Variants in TUBGCP2 observed in about 807,000 individuals in gnomAD.
TUBGCP2 encodes the protein tubulin gamma complex component 2.
Under a neutral mutation model 92.2 loss-of-function variants are expected in TUBGCP2, and 55 were observed. That is an observed-to-expected ratio of 0.60 (90% CI 0.48 to 0.75). The LOEUF is 0.75. Among genes scored for constraint, TUBGCP2 ranks in the 30% least tolerant of loss-of-function variants. TUBGCP2 has a pLI of 0.00. For synonymous variants in TUBGCP2, 533 were observed against 505.2 expected (o/e 1.06, Z -0.74); for missense variants, 1,093 against 1,188.9 (o/e 0.92, Z 1.19).
intron 1 of TUBGCP2, among the ~76,000 whole-genome samples, chr10:133,305,888 T>C (rs544916439): frequency 2.2e-4 from 34 of 152,314 alleles, no homozygotes; most frequent in African/African-American, 7.2e-4. Flanking sequence ...CCCCATGCAG[T>C]CTGGACACTG....
chr10:133,310,014 C>A (rs1847952661), upstream of TUBGCP2: 15 of 1,611,118 alleles, frequency 9.3e-6, no homozygotes, highest in East Asian at 3.1e-4. Context: ...GGCCACCCCC[C>A]ATTGGTGATG....
chr10:133,287,436 A>T (rs1345658807), intron 11 of TUBGCP2, among the ~76,000 whole-genome samples: 1 of 152,062 alleles, frequency 6.6e-6, no homozygotes, highest in Non-Finnish European at 1.5e-5. Context: ...AAAACAGATA[A>T]AACATATATA....
chr10:133,296,335 G>A (rs1389499020), intron 5 of TUBGCP2, among the ~76,000 whole-genome samples: 1 of 152,150 alleles, frequency 6.6e-6, no homozygotes. Context: ...GTCTGCCTGG[G>A]TACCATCAGG....
At chr10:133,307,838 G>T (rs1339549121) in intron 1 of TUBGCP2, among the ~76,000 whole-genome samples, 1 of 152,234 alleles carries the variant, frequency 6.6e-6, no homozygotes, top group Non-Finnish European at 1.5e-5. Flanking sequence ...GGCCTACAAT[G>T]CACCTAAACC....
chr10:133,280,891 G>A (rs1423897103), intron 17 of TUBGCP2, among the ~76,000 whole-genome samples: 1 of 151,812 alleles, frequency 6.6e-6, no homozygotes, highest in Non-Finnish European at 1.5e-5. Flanking sequence ...CCAGGGCGGT[G>A]CTGGGCAGGG....
intron 1 of TUBGCP2, among the ~76,000 whole-genome samples, chr10:133,307,248 G>A (rs1237753139): frequency 6.6e-6 from 1 of 152,146 alleles, no homozygotes; most frequent in Non-Finnish European, 1.5e-5. Context: ...ACTGTGACTG[G>A]GAGGGACTGA....
Position 133,285,365 on chromosome 10 carries a change from T to C in TUBGCP2, c.1895+91A>G. On this transcript the variant is annotated intron_variant, in intron 12 of 17. Coordinates refer to ENST00000252936, the MANE Select transcript of TUBGCP2 (RefSeq NM_006659.4). The surrounding 1 kb of genome is among the most constrained non-coding windows in gnomAD (Gnocchi z 6.8). The stretch of plus-strand genomic sequence containing the variant: ...CCGGGGAGAGCCGCCTTGGGTCCTC[T>C]GTGGGACGAGGTGGCCACCGCGTGG... 6.3e-7 allele frequency: 1 copy of C among 1,596,562 alleles called. No individual in the cohort carries two copies. The highest frequency in any genetic ancestry group is 2.3e-5 in the East Asian group (1 of 44,358).
chr10:133,298,190 C>A, intron 4 of TUBGCP2, 79 bp from the exon 5 acceptor site: 1 of 1,451,906 alleles, frequency 6.9e-7, no homozygotes, highest in African/African-American at 1.4e-5. Flanking sequence ...TGCATAGAAG[C>A]TAGCATCTAC....
chr10:133,296,566 C>T (rs1293406211), intron 5 of TUBGCP2, among the ~76,000 whole-genome samples: 3 of 152,104 alleles, frequency 2.0e-5, no homozygotes, highest in Admixed American at 1.3e-4. Context: ...CAGCCTCGAC[C>T]TCTCAGGCTC....
In TUBGCP2 at chr10:133,281,420, G is replaced by A. The variant is rs1208369234; in HGVS notation, c.2426C>T (p.Ala809Val). Residue 809 changes from alanine to valine, a missense_variant, in exon 17 of 18, where the codon GCA becomes GTA. This residue lies in a region of TUBGCP2 where 598 missense variants were observed against 675.5 expected (regional missense o/e 0.89). Coordinates refer to ENST00000252936, the MANE Select transcript of TUBGCP2 (RefSeq NM_006659.4). ...GCCGGACACCAGCTGCACAGTGTCT[G>A]CGTGCTCAGCCAGGTGCTGGAAAGA... Reference protein sequence around the residue: ...ELARKHLAEHADTVQLVSGFE... With the variant: ...ELARKHLAEHVDTVQLVSGFE... 9 of 1,612,950 alleles carry A rather than the reference G, an allele frequency of 5.6e-6. No individual in the cohort carries two copies. In the African/African-American group the frequency reaches 1.1e-4, roughly 19 times the overall value.
intron 16 of TUBGCP2, 82 bp downstream of exon 16, chr10:133,282,141 G>C: frequency 6.3e-7 from 1 of 1,593,808 alleles, no homozygotes; most frequent in Non-Finnish European, 8.5e-7. Flanking sequence ...GGGGAGGTTT[G>C]TTCTCCCTGC....
intron 1 of TUBGCP2, among the ~76,000 whole-genome samples, chr10:133,305,931 C>A (rs1322474857): frequency 1.3e-5 from 2 of 152,210 alleles, no homozygotes; most frequent in African/African-American, 4.8e-5. Context: ...GGACCCTGAA[C>A]AAGGACACGT....
At chr10:133,306,866 G>A (rs1325841323) in intron 1 of TUBGCP2, among the ~76,000 whole-genome samples, 3 of 152,286 alleles carry the variant, frequency 2.0e-5, no homozygotes, top group African/African-American at 4.8e-5. Flanking sequence ...ACAGATGCCC[G>A]CACGTCATGA....
intron 8 of TUBGCP2, among the ~76,000 whole-genome samples, chr10:133,291,374 C>T (rs371052664): frequency 0.36 from 403 of 1,112 alleles, 19 homozygotes; most frequent in Middle Eastern, 0.5. Flanking sequence ...CGTGTCCCTC[C>T]GTGTCCCCGT....
Position 133,285,719 on chromosome 10 carries a change from C to T in TUBGCP2, c.1723-91G>A, listed in dbSNP as rs1351442740. The T allele has an allele frequency of 3.8e-6, 5 of 1,301,490 alleles. No homozygotes were observed. The highest frequency in any genetic ancestry group is 3.7e-5 in the South Asian group (2 of 54,192). 80.6% of individuals were successfully genotyped at this position (1,301,490 alleles called of 1,614,324 possible). On this transcript the variant is annotated intron_variant, in intron 11 of 17. Transcript: ENST00000252936. The surrounding 1 kb of genome is among the most constrained non-coding windows in gnomAD (Gnocchi z 6.8). Reference sequence around the variant, plus strand: ...TCGCCATCCTCGCTCACAGACCCAGCGCTGACGTAAGGTTCCCTACATTCC... The same window carrying T: ...TCGCCATCCTCGCTCACAGACCCAGTGCTGACGTAAGGTTCCCTACATTCC...
At chr10:133,294,356 G>C (rs1046016202) in intron 5 of TUBGCP2, among the ~76,000 whole-genome samples, 1 of 152,198 alleles carries the variant, frequency 6.6e-6, no homozygotes, top group Admixed American at 6.5e-5. Context: ...AGCACCAGAC[G>C]AAAGCAGGAT....
At position 133,289,893 on chromosome 10, in the gene TUBGCP2, G is replaced by A. The variant is rs753141833; in HGVS notation, c.1291C>T (p.Arg431Trp). 3.1e-6 allele frequency: 5 copies of A among 1,603,864 alleles called. No homozygotes were observed. The highest frequency in any genetic ancestry group is 4.5e-5 in the East Asian group (2 of 44,596). ...EDYNDKYWDQ[R>W]YTIVQQQIPS... The stretch of plus-strand genomic sequence containing the variant: ...ATCTGCTGCTGGACGATGGTGTACC[G>A]CTGGTCCCAGTACTTGTCGTTGTAA... The change falls in exon 9 of 18, where the codon CGG (arginine) becomes TGG (tryptophan). Residue 431 changes from arginine (R) to tryptophan (W), a missense_variant. This residue lies in a region of TUBGCP2 where 598 missense variants were observed against 675.5 expected (regional missense o/e 0.89). Coordinates refer to ENST00000252936, the MANE Select transcript of TUBGCP2 (RefSeq NM_006659.4).
rs147096812 is a variant in TUBGCP2 at position 133,283,206 on chromosome 10, C to T, written c.2161G>A (p.Asp721Asn). 9.9e-6 allele frequency: 16 copies of T among 1,614,062 alleles called. No homozygotes were observed. In the African/African-American group the frequency reaches 1.7e-4, roughly 18 times the overall value. Residue 721 changes from aspartate to asparagine, a missense_variant, in exon 15 of 18, where the codon GAC (aspartate) becomes AAC (asparagine). By Grantham distance (23) the Asp-to-Asn change is conservative. Coordinates refer to ENST00000252936, the MANE Select transcript of TUBGCP2 (RefSeq NM_006659.4). The stretch of plus-strand genomic sequence containing the variant: ...AAGCCTGTGTGGTGGCCAAGGACGT[C>T]GTCAATGTTGGAGGCCTGCGGGGAA... The part of the protein sequence containing the change: ...KNLKSASNID[D>N]VLGHHTGFLD...
chr10:133,305,456 C>G (rs1847788443), intron 1 of TUBGCP2, among the ~76,000 whole-genome samples: 1 of 152,126 alleles, frequency 6.6e-6, no homozygotes, highest in South Asian at 2.1e-4. Context: ...GGGCCACTAC[C>G]GGTCTCTGCG....
Sources: gnomAD v4.1 joint callset for allele counts (sites outside exome capture counted in the v4.1 genomes callset) on GRCh38, gnomAD v4.1.1 for gene constraint, gnomAD v4.1.1 regional missense constraint, Gnocchi (gnomAD v3.1) non-coding constraint, MANE v1.5 for transcripts, NCBI Gene and HGNC (gene_info 2026-07-23, HGNC 2026-07-21) for gene names.